Variants in NEK9 observed in about 807,000 individuals in gnomAD.
The protein encoded by NEK9 is serine/threonine-protein kinase Nek9.
Under a neutral mutation model 123.4 loss-of-function variants are expected in NEK9, and 75 were observed. The observed-to-expected ratio is 0.61, with a 90% CI of 0.50 to 0.74. The LOEUF (loss-of-function observed/expected upper bound fraction) is 0.74, where lower values mean the gene tolerates loss of function less well. Among genes scored for constraint, NEK9 ranks in the 30% least tolerant of loss-of-function variants. NEK9 has a pLI of 0.00. For synonymous variants in NEK9, 438 were observed against 458.7 expected, an observed-to-expected ratio of 0.95 and a Z score of 0.58; for missense variants, 952 against 1,214.4, an observed-to-expected ratio of 0.78 and a Z score of 3.21.
rs1446793963 is a variant in NEK9 at position 75,121,050 on chromosome 14, A to C, written c.453+69T>G. On this transcript the variant is annotated intron_variant, in intron 3 of 21. Transcript: ENST00000238616. Reference sequence around the variant, plus strand: ...AACACTCTTCACTATTGGAAGAGTAAATACAGAACTAGAATGCAAGAATTA... The same window carrying C: ...AACACTCTTCACTATTGGAAGAGTACATACAGAACTAGAATGCAAGAATTA... 4.0e-6 allele frequency: 5 copies of C among 1,243,200 alleles called. No individual in the cohort carries two copies. In the Admixed American group the frequency reaches 8.4e-5, roughly 21 times the overall value. The allele number at this position is 1,243,200 out of a possible 1,614,324, so 77.0% of individuals were successfully genotyped here.
chr14:75,110,213 T>G, intron 9 of NEK9, 108 bp downstream of exon 9: 1 of 832,288 alleles, frequency 1.2e-6, no homozygotes. Context: ...TGCTGGCTCC[T>G]GAAAGGATGC....
intron 14 of NEK9, 24 bp downstream of exon 14, chr14:75,103,818 T>C (rs760928622): frequency 6.3e-7 from 1 of 1,593,800 alleles, no homozygotes; most frequent in Non-Finnish European, 8.5e-7. Context: ...ATGATGTGGT[T>C]AGAACACCAA....
Position 75,082,540 on chromosome 14 carries a change from A to G in NEK9, c.*2024T>C, listed in dbSNP as rs1322990019. The G allele has an allele frequency of 2.2e-4, 34 of 156,152 alleles. 2 individuals carry two copies. In the Admixed American group the frequency reaches 2.2e-3, roughly 10 times the overall value. The allele number at this position is 156,152 out of a possible 1,614,324, so 9.7% of individuals were successfully genotyped here. ...ATTAATAGCAAATCTAGACTTCCCA[A>G]GGGAATATGCTAGAGAAAATGACCA... is the stretch of plus-strand genomic sequence containing the variant. On this transcript the variant is annotated 3_prime_UTR_variant, in exon 22 of 22. Transcript: ENST00000238616.
At chr14:75,113,519 T>G in intron 7 of NEK9, 116 bp from the exon 8 acceptor site, 4 of 706,614 alleles carry the variant, frequency 5.7e-6, no homozygotes. Context: ...AATCATTTCT[T>G]ATGTGATACT....
intron 16 of NEK9, 21 bp downstream of exon 16, chr14:75,100,971 A>G (rs772745712): frequency 1.8e-5 from 29 of 1,604,982 alleles, no homozygotes; most frequent in Non-Finnish European, 2.3e-5. Flanking sequence ...AGAAAGCTTG[A>G]AATGATATGT....
intron 21 of NEK9, 181 bp downstream of exon 21, chr14:75,086,837 C>T (rs966949507): frequency 1.4e-5 from 8 of 587,118 alleles, no homozygotes; most frequent in African/African-American, 7.5e-5. Flanking sequence ...ATCCGGGAGG[C>T]GGAGGTTGCA....
chr14:75,113,463 A>C (rs1318553885), intron 7 of NEK9, 60 bp from the exon 8 acceptor site: 7 of 1,198,012 alleles, frequency 5.8e-6, no homozygotes, highest in Non-Finnish European at 8.6e-6. Context: ...TCGGATCTAA[A>C]GATGTTAATT....
intron 21 of NEK9, 65 bp downstream of exon 21, chr14:75,086,953 G>A (rs1223943165): frequency 6.8e-6 from 10 of 1,471,356 alleles, no homozygotes; most frequent in East Asian, 4.5e-5. Flanking sequence ...TCAGTACTTT[G>A]TGTTTTGTTT....
At chr14:75,100,966 G>A (rs1486941696) in intron 16 of NEK9, 26 bp downstream of exon 16, 1 of 1,602,990 alleles carries the variant, frequency 6.2e-7, no homozygotes, top group South Asian at 1.1e-5. Flanking sequence ...TGTCCAGAAA[G>A]CTTGAAATGA....
At chr14:75,091,811 A>G (rs979931747) in intron 18 of NEK9, 1 of 207,858 alleles carries the variant, frequency 4.8e-6, no homozygotes, top group Non-Finnish European at 9.5e-6. Flanking sequence ...TCTAGCACCC[A>G]TGCTTACTCT....
chr14:75,114,644 C>G (rs1013455461), intron 6 of NEK9, among the ~76,000 whole-genome samples: 9 of 152,054 alleles, frequency 5.9e-5, no homozygotes. Context: ...GTTCCCTTGC[C>G]AACTAACTTG....
At chr14:75,097,299 T>G (rs1173198915) in intron 16 of NEK9, 29 bp from the exon 17 acceptor site, 1 of 1,537,514 alleles carries the variant, frequency 6.5e-7, no homozygotes, top group Non-Finnish European at 8.8e-7. Context: ...AGTAGACCAT[T>G]TAACAGAACA....
intron 6 of NEK9, among the ~76,000 whole-genome samples, chr14:75,114,998 C>T (rs973768869): frequency 1.3e-4 from 20 of 151,650 alleles, no homozygotes; most frequent in African/African-American, 2.4e-4. Context: ...CATATATACA[C>T]ACATACATAT....
intron 19 of NEK9, among the ~76,000 whole-genome samples, chr14:75,089,943 C>T (rs1284781134): frequency 2.0e-5 from 3 of 151,542 alleles, no homozygotes; most frequent in African/African-American, 4.9e-5. Context: ...GTGATCCGCC[C>T]GCCTCAGCCT....
At chr14:75,089,232 A>G (rs1486756345) in intron 19 of NEK9, among the ~76,000 whole-genome samples, 1 of 151,850 alleles carries the variant, frequency 6.6e-6, no homozygotes, top group Non-Finnish European at 1.5e-5. Flanking sequence ...ATGCCCGGCT[A>G]ATTATTATTT....
At chr14:75,091,630 G>GGTTTTCATACATAGTTTTCATACATA (rs539794376) in intron 18 of NEK9, 152 bp from the exon 19 acceptor site, 80 of 529,386 alleles carry the variant, frequency 1.5e-4, no homozygotes, top group African/African-American at 1.4e-3. Context: ...CTAAATTTTT[G>GGTTTTCATACATAGTTTTCATACATA]GTTTTCATAC....
intron 16 of NEK9, among the ~76,000 whole-genome samples, chr14:75,098,028 T>C (rs767446121): frequency 1.3e-5 from 2 of 151,900 alleles, no homozygotes; most frequent in Non-Finnish European, 2.9e-5. Flanking sequence ...CCACTGGAGG[T>C]TTTGAGCAGT....
At chr14:75,121,041 G>C in intron 3 of NEK9, 78 bp downstream of exon 3, 1 of 1,140,914 alleles carries the variant, frequency 8.8e-7, no homozygotes, top group Non-Finnish European at 1.3e-6. Flanking sequence ...CTTCACTATT[G>C]GAAGAGTAAA....
At chr14:75,123,957 G>A in intron 2 of NEK9, 89 bp downstream of exon 2, 4 of 1,131,818 alleles carry the variant, frequency 3.5e-6, no homozygotes, top group Non-Finnish European at 5.2e-6. Flanking sequence ...TTTTATCACT[G>A]TATATGTCTC....
Sources: allele counts gnomAD v4.1 joint callset (sites outside exome capture counted in the v4.1 genomes callset), GRCh38; gene constraint gnomAD v4.1.1; transcripts MANE v1.5; gene names NCBI Gene and HGNC (gene_info 2026-07-23, HGNC 2026-07-21).